GPM6A: variants seen among roughly 807,000 people sequenced by gnomAD.
The protein encoded by GPM6A is glycoprotein M6A.
A neutral mutation model predicts 32.1 loss-of-function variants in GPM6A; 7 were observed. The observed-to-expected ratio is 0.22, with a 90% CI of 0.12 to 0.41. The LOEUF is 0.41. Among genes scored for constraint, GPM6A ranks in the 10% least tolerant of loss-of-function variants. The pLI is 1.00. For synonymous variants in GPM6A, 130 were observed against 123.4 expected (o/e 1.05, Z -0.35); for missense variants, 235 against 347.2 (o/e 0.68, Z 2.57).
intron 1 of GPM6A, among the ~76,000 whole-genome samples, chr4:175,775,858 C>T (rs191147250): frequency 4.2e-4 from 64 of 152,104 alleles, no homozygotes; most frequent in African/African-American, 1.4e-3. Flanking sequence ...CTGCGGAAAT[C>T]CAAGTTATAA....
chr4:175,761,596 T>C (rs548649928), intron 1 of GPM6A, among the ~76,000 whole-genome samples: 9 of 152,152 alleles, frequency 5.9e-5, no homozygotes, highest in Non-Finnish European at 1.3e-4. Context: ...ATTTAAAATG[T>C]AGGATATAAT....
chr4:175,749,920 C>T (rs1214395404), intron 1 of GPM6A, among the ~76,000 whole-genome samples: 1 of 152,188 alleles, frequency 6.6e-6, no homozygotes, highest in Non-Finnish European at 1.5e-5. Flanking sequence ...GGTCTAACTA[C>T]ATCCTCCAGG....
intron 3 of GPM6A, among the ~76,000 whole-genome samples, chr4:175,668,565 T>C (rs1742881080): frequency 1.8e-5 from 1 of 54,490 alleles, no homozygotes; most frequent in Non-Finnish European, 5.4e-5. Flanking sequence ...GCATTAAAGT[T>C]TAGGGATAGT....
chr4:175,788,740 C>T (rs1301793281), intron 1 of GPM6A, among the ~76,000 whole-genome samples: 1 of 152,058 alleles, frequency 6.6e-6, no homozygotes, highest in Non-Finnish European at 1.5e-5. Flanking sequence ...TTTTAAAATA[C>T]CAGCCAATGA....
In GPM6A at chr4:175,750,450, A is replaced by G. The variant is rs561663178; in HGVS notation, c.38-48683T>C. Among the ~76,000 whole-genome samples the G allele has an allele frequency of 2.6e-5, 4 of 152,262 alleles. No homozygotes were observed. In the South Asian group the frequency reaches 8.3e-4, roughly 32 times the overall value. Reference sequence around the variant, plus strand: ...CCCAGACTTTAATGTGTACCGGAGCACTCTTAGATTGAAAAGTAGAGGATT... The same window carrying G: ...CCCAGACTTTAATGTGTACCGGAGCGCTCTTAGATTGAAAAGTAGAGGATT... On this transcript the variant is annotated intron_variant, in intron 1 of 6. Transcript: ENST00000393658.
intron 1 of GPM6A, among the ~76,000 whole-genome samples, chr4:175,874,166 A>G: frequency 6.6e-6 from 1 of 152,302 alleles, no homozygotes; most frequent in Non-Finnish European, 1.5e-5. Flanking sequence ...TCAGCCGCAC[A>G]TCTTCATGTT....
intron 1 of GPM6A, 70 bp from the exon 2 acceptor site, chr4:175,701,837 A>C: frequency 1.8e-6 from 2 of 1,087,356 alleles, no homozygotes; most frequent in South Asian, 2.8e-5. Context: ...TTCAAACTTC[A>C]GCACTATGGG....
upstream of GPM6A, among the ~76,000 whole-genome samples, chr4:175,817,263 A>C (rs1351545058): frequency 6.6e-6 from 1 of 152,262 alleles, no homozygotes; most frequent in Non-Finnish European, 1.5e-5. Context: ...CATAGAAAGC[A>C]GTCAATTCAC....
At chr4:175,851,240 C>T (rs919751686) in intron 1 of GPM6A, among the ~76,000 whole-genome samples, 1 of 150,986 alleles carries the variant, frequency 6.6e-6, no homozygotes, top group African/African-American at 2.4e-5. Context: ...ACCTGTAATC[C>T]CTTTGAGAGG....
chr4:175,638,137 G>A (rs1043427934), intron 6 of GPM6A, among the ~76,000 whole-genome samples: 3 of 150,336 alleles, frequency 2.0e-5, no homozygotes, highest in African/African-American at 7.3e-5. Flanking sequence ...GAGTAGAGTA[G>A]AACAGAATAA....
At chr4:175,818,751 T>C (rs1349228059) in intron 1 of GPM6A, among the ~76,000 whole-genome samples, 1 of 152,236 alleles carries the variant, frequency 6.6e-6, no homozygotes, top group Admixed American at 6.5e-5. Context: ...GGGAGATACA[T>C]ATCATGTTCA....
At chr4:175,646,521 T>C (rs567844698) in intron 4 of GPM6A, among the ~76,000 whole-genome samples, 5 of 152,228 alleles carry the variant, frequency 3.3e-5, no homozygotes, top group African/African-American at 1.2e-4. Context: ...AGGTTCATGA[T>C]GTAAGTGTCA....
At chr4:175,873,010 G>C (rs1031038746) in intron 1 of GPM6A, among the ~76,000 whole-genome samples, 22 of 152,070 alleles carry the variant, frequency 1.4e-4, no homozygotes, top group African/African-American at 5.3e-4. Flanking sequence ...TAAGGTATTT[G>C]GGGGAAGAAG....
chr4:175,989,118 A>G (rs1436907933), intron 1 of GPM6A, among the ~76,000 whole-genome samples: 1 of 152,184 alleles, frequency 6.6e-6, no homozygotes, highest in African/African-American at 2.4e-5. Context: ...ATAGCACCAC[A>G]TATCAATTAA....
At chr4:175,662,548 C>T (rs769529078) in intron 3 of GPM6A, among the ~76,000 whole-genome samples, 8 of 151,714 alleles carry the variant, frequency 5.3e-5, no homozygotes, top group Non-Finnish European at 1.0e-4. Context: ...TGCAGTGAGC[C>T]GAGATCGCAC....
At chr4:175,946,424 A>G (rs529091647) in intron 1 of GPM6A, among the ~76,000 whole-genome samples, 13 of 152,354 alleles carry the variant, frequency 8.5e-5, no homozygotes, top group African/African-American at 2.9e-4. Flanking sequence ...TCTCTGTGTC[A>G]TGTAGCTTCC....
intron 4 of GPM6A, among the ~76,000 whole-genome samples, chr4:175,644,295 G>T (rs1043593979): frequency 1.3e-5 from 2 of 151,418 alleles, no homozygotes; most frequent in African/African-American, 4.9e-5. Context: ...AACTTGCCCC[G>T]GTATCTTACT....
intron 1 of GPM6A, among the ~76,000 whole-genome samples, chr4:175,705,806 G>A (rs994164253): frequency 1.1e-4 from 17 of 152,072 alleles, no homozygotes; most frequent in Non-Finnish European, 2.2e-4. Flanking sequence ...TGCTGGTGCT[G>A]GAGAAGATAT....
chr4:175,845,930 C>A (rs1736073234), intron 1 of GPM6A, among the ~76,000 whole-genome samples: 1 of 151,968 alleles, frequency 6.6e-6, no homozygotes. Flanking sequence ...TGTACTATAC[C>A]TTTTGTCATA....
Sources: allele counts gnomAD v4.1 joint callset (sites outside exome capture counted in the v4.1 genomes callset), GRCh38; gene constraint gnomAD v4.1.1; transcripts MANE v1.5; gene names NCBI Gene and HGNC (gene_info 2026-07-23, HGNC 2026-07-21).